Variants in DGCR2 observed in about 807,000 individuals in gnomAD.
The protein encoded by DGCR2 is DiGeorge syndrome critical region gene 2.
In DGCR2, 24 loss-of-function variants were observed where a neutral mutation model predicts 51.6. That is an observed-to-expected ratio of 0.47 (90% confidence interval 0.34 to 0.65). The LOEUF (loss-of-function observed/expected upper bound fraction) is 0.65, where lower values mean the gene tolerates loss of function less well. Ranked by LOEUF, DGCR2 falls within the 30% of genes least tolerant of loss-of-function variation. DGCR2 has a pLI of 0.01. For synonymous variants in DGCR2, 340 were observed against 315.4 expected (o/e 1.08, Z -0.82); for missense variants, 765 against 772.1 (o/e 0.99, Z 0.11).
chr22:19,081,869 T>C (rs2082939726), intron 2 of DGCR2, among the ~76,000 whole-genome samples: 2 of 152,228 alleles, frequency 1.3e-5, no homozygotes, highest in Admixed American at 1.3e-4. Flanking sequence ...TATGTAGTCT[T>C]AGAATACTAA....
chr22:19,084,797 CGGGA>C (rs2082994355), intron 2 of DGCR2, among the ~76,000 whole-genome samples: 1 of 122,228 alleles, frequency 8.2e-6, no homozygotes, highest in African/African-American at 3.9e-5. Context: ...CCGCCCCGTC[CGGGA>C]AGGAGGTGGG....
intron 2 of DGCR2, among the ~76,000 whole-genome samples, chr22:19,082,359 C>A (rs2082949205): frequency 6.6e-6 from 1 of 151,294 alleles, no homozygotes; most frequent in Admixed American, 6.6e-5. Context: ...AGCACCTGGC[C>A]TATTGGTGTC....
chr22:19,051,515 G>A (rs1254265396), intron 6 of DGCR2, among the ~76,000 whole-genome samples: 2 of 152,156 alleles, frequency 1.3e-5, no homozygotes, highest in Non-Finnish European at 2.9e-5. Context: ...GAGCCTAGGA[G>A]TTGCGTTTGA....
At chr22:19,082,222 CTTTTTTTTT>C (rs56725898) in intron 2 of DGCR2, among the ~76,000 whole-genome samples, 5 of 88,068 alleles carry the variant, frequency 5.7e-5, no homozygotes, top group Non-Finnish European at 8.5e-5. Context: ...CTAATTATTT[CTTTTTTTTT>C]TTTTTTTTTT....
In DGCR2 at chr22:19,113,178, T is replaced by C. The variant is rs1157211307; in HGVS notation, c.79+8950A>G. On this transcript the variant is annotated intron_variant, in intron 1 of 9. Transcript: ENST00000263196. ...TGAGGTCAAGAGATCGAGACCATCC[T>C]GGCCAACATGGTGAAACCCCATCTT... Among the ~76,000 whole-genome samples the C allele has an allele frequency of 2.6e-5, 4 of 152,248 alleles. No individual in the cohort carries two copies. In the East Asian group the frequency reaches 7.7e-4, roughly 29 times the overall value.
chr22:19,046,685 C>A, intron 7 of DGCR2: 1 of 396,528 alleles, frequency 2.5e-6, no homozygotes, highest in Non-Finnish European at 5.2e-6. Flanking sequence ...CAGAAGAAGG[C>A]CCTAGGAGAG....
chr22:19,089,784 T>A (rs1419409029), intron 1 of DGCR2, among the ~76,000 whole-genome samples: 1 of 152,262 alleles, frequency 6.6e-6, no homozygotes, highest in Non-Finnish European at 1.5e-5. Context: ...TTTTGCCATG[T>A]TGGCCAGGCT....
At chr22:19,054,833 T>G (rs1471666319) in intron 6 of DGCR2, among the ~76,000 whole-genome samples, 1 of 151,424 alleles carries the variant, frequency 6.6e-6, no homozygotes. Flanking sequence ...CCAGGCACGG[T>G]GGCTCACACC....
intron 6 of DGCR2, chr22:19,056,575 A>G (rs2082605463): frequency 5.3e-6 from 2 of 379,588 alleles, no homozygotes; most frequent in South Asian, 3.7e-5. Flanking sequence ...AAACACACAC[A>G]CCATAGACTG....
chr22:19,096,140 C>A (rs542355789), intron 1 of DGCR2, among the ~76,000 whole-genome samples: 11 of 152,268 alleles, frequency 7.2e-5, no homozygotes, highest in Non-Finnish European at 1.5e-4. Flanking sequence ...TCAGTGTATT[C>A]TAGGTCTTCA....
intron 4 of DGCR2, 87 bp from the exon 5 acceptor site, chr22:19,063,365 A>C: frequency 7.9e-7 from 1 of 1,268,812 alleles, no homozygotes. Flanking sequence ...TTTTTGAGAC[A>C]GAGTCTCGCT....
rs748079198 is a variant in DGCR2 at position 19,070,075 on chromosome 22, G to A, written c.203-1850C>T. On this transcript the variant is annotated intron_variant, in intron 2 of 9. Coordinates refer to ENST00000263196, the MANE Select transcript of DGCR2 (RefSeq NM_005137.3). ...ACGACAGGCCTGATGCTGTAAACAC[G>A]CAGTACTTGGGGACCATCAGCTCTT... Among the ~76,000 whole-genome samples, 5 of 152,264 alleles carry A rather than the reference G, an allele frequency of 3.3e-5. No homozygotes were observed. In the South Asian group the frequency reaches 6.2e-4, roughly 19 times the overall value.
chr22:19,075,891 G>A (rs947364998), intron 2 of DGCR2, among the ~76,000 whole-genome samples: 1 of 152,156 alleles, frequency 6.6e-6, no homozygotes, highest in Non-Finnish European at 1.5e-5. Context: ...TATGAACTTG[G>A]GTGTACAAAT....
At chr22:19,106,927 G>A (rs1037954427) in intron 1 of DGCR2, among the ~76,000 whole-genome samples, 1 of 151,270 alleles carries the variant, frequency 6.6e-6, no homozygotes, top group Non-Finnish European at 1.5e-5. Flanking sequence ...GCCTCTGGGG[G>A]CTCACTGCAC....
At chr22:19,087,284 C>T (rs868190377) in intron 2 of DGCR2, among the ~76,000 whole-genome samples, 9 of 152,214 alleles carry the variant, frequency 5.9e-5, no homozygotes, top group Admixed American at 1.3e-4. Context: ...CGGGCCAACA[C>T]CATCCAAACC....
intron 6 of DGCR2, among the ~76,000 whole-genome samples, 191 bp from the exon 7 acceptor site, chr22:19,048,834 C>T (rs1468677083): frequency 1.3e-5 from 2 of 152,236 alleles, no homozygotes; most frequent in African/African-American, 4.8e-5. Context: ...GCATCAAAGC[C>T]TCTAAGACAG....
chr22:19,066,780 T>C (rs17810780), intron 3 of DGCR2, among the ~76,000 whole-genome samples: 24,008 of 152,224 alleles, frequency 0.16, 2,132 homozygotes, highest in South Asian at 0.28. Context: ...TTGGTGGAGT[T>C]GCTTACTACC....
chr22:19,083,706 CCCCTCT>C (rs1555907887), intron 2 of DGCR2, among the ~76,000 whole-genome samples: 3 of 106,672 alleles, frequency 2.8e-5, no homozygotes, highest in East Asian at 5.7e-4. Context: ...CCTCCCCCTC[CCCCTCT>C]CCCTCTCCCC....
chr22:19,119,819 C>A (rs576101812), intron 1 of DGCR2, among the ~76,000 whole-genome samples: 1 of 152,036 alleles, frequency 6.6e-6, no homozygotes, highest in African/African-American at 2.4e-5. Flanking sequence ...AGGCCTTCCA[C>A]CCTGCCCTGT....
Sources: gnomAD v4.1 joint callset for allele counts (sites outside exome capture counted in the v4.1 genomes callset) on GRCh38, gnomAD v4.1.1 for gene constraint, MANE v1.5 for transcripts, NCBI Gene and HGNC (gene_info 2026-07-23, HGNC 2026-07-21) for gene names.